The following NOL4L variants were observed in gnomAD, a reference collection of about 807,000 sequenced individuals.
NOL4L encodes nucleolar protein 4-like.
NOL4L carries 7 observed loss-of-function variants against 64.5 expected under a neutral mutation model. The observed-to-expected ratio is 0.11, with a 90% CI of 0.06 to 0.20. NOL4L has a LOEUF of 0.20. Ranked by LOEUF, NOL4L falls within the 10% of genes least tolerant of loss-of-function variation. The pLI, the probability that NOL4L is intolerant of heterozygous loss-of-function variation, is 1.00. For synonymous variants in NOL4L, 413 were observed against 401.0 expected (o/e 1.03, Z -0.36); for missense variants, 680 against 967.1 (o/e 0.70, Z 3.94).
chr20:32,463,591 C>T lies in NOL4L; in HGVS notation c.842-7196G>A, dbSNP rs971672286. Among the ~76,000 whole-genome samples the T allele has an allele frequency of 6.6e-6, 1 of 152,212 alleles. No individual in the cohort carries two copies. The highest frequency in any genetic ancestry group is 1.5e-5 in the Non-Finnish European group (1 of 68,040). On this transcript the variant is annotated intron_variant, in intron 5 of 10. Transcript: ENST00000621426. This position sits in a 1 kb window ranked among gnomAD's most constrained non-coding sequence, Gnocchi z 5.8. ...ACGGGCAGGGAAGGACTGCCGTGTC[C>T]GTCTATTTGAACATGGGGCAATGTG...
chr20:32,577,124 G>T (rs1300380018), intron 1 of NOL4L, among the ~76,000 whole-genome samples: 1 of 152,208 alleles, frequency 6.6e-6, no homozygotes, highest in Non-Finnish European at 1.5e-5. Flanking sequence ...AGATTAAATG[G>T]AATAATGTAT....
chr20:32,546,240 C>G (rs2145601848), intron 1 of NOL4L, among the ~76,000 whole-genome samples: 1 of 151,838 alleles, frequency 6.6e-6, no homozygotes, highest in South Asian at 2.1e-4. Context: ...GCCAGTGCGC[C>G]CAGCTTTTTT....
chr20:32,574,970 A>C (rs1980000750), intron 1 of NOL4L, among the ~76,000 whole-genome samples: 1 of 149,594 alleles, frequency 6.7e-6, no homozygotes, highest in Admixed American at 6.7e-5. Flanking sequence ...CCCTCACCCC[A>C]CTCCCACCTC....
chr20:32,465,283 T>A (rs1384061235), intron 5 of NOL4L: 2 of 419,888 alleles, frequency 4.8e-6, no homozygotes, highest in Non-Finnish European at 8.4e-6. Context: ...CACCGACCCA[T>A]CACCCGGGAT....
chr20:32,580,681 C>A (rs932038570), intron 1 of NOL4L, among the ~76,000 whole-genome samples: 2 of 152,182 alleles, frequency 1.3e-5, no homozygotes, highest in African/African-American at 4.8e-5. Flanking sequence ...GAAGCTACAG[C>A]AGTGCACAGA....
At position 32,584,837 on chromosome 20, in the gene NOL4L, G is replaced by C. The variant is rs775489322; in HGVS notation, c.54C>G (p.Pro18=). The C allele has an allele frequency of 1.4e-6, 2 of 1,477,278 alleles. No individual in the cohort carries two copies. The highest frequency in any genetic ancestry group is 1.8e-6 in the Non-Finnish European group (2 of 1,111,552). 91.5% of individuals were successfully genotyped at this position (1,477,278 alleles called of 1,614,324 possible). A position where few individuals can be genotyped will look rare whatever the true frequency, so the allele number is the denominator to read the frequency against. Residue 18 remains proline, a synonymous_variant, in exon 1 of 11, where the codon CCC becomes CCG. Transcript: ENST00000621426. The part of the protein sequence containing the change: ...LRGGWERERS[P]GDSELGRQFR... ...ACTGGCGGCCCAGCTCCGAGTCCCC[G>C]GGGCTGCGCTCGCGCTCCCAGCCCC...
At chr20:32,536,411 G>T in intron 1 of NOL4L, 1 of 673,392 alleles carries the variant, frequency 1.5e-6, no homozygotes, top group Non-Finnish European at 1.8e-6. Context: ...GGAGTGGGCC[G>T]CGCTAATGAC....
chr20:32,574,804 C>A, intron 1 of NOL4L, among the ~76,000 whole-genome samples: 1 of 151,914 alleles, frequency 6.6e-6, no homozygotes, highest in African/African-American at 2.4e-5. Context: ...GTCCCCTCCA[C>A]GGCCTCCCAC....
At chr20:32,572,972 G>C (rs1219928000) in intron 1 of NOL4L, among the ~76,000 whole-genome samples, 1 of 151,984 alleles carries the variant, frequency 6.6e-6, no homozygotes, top group African/African-American at 2.4e-5. Flanking sequence ...CTGAGCACTT[G>C]ACATGGAGTC....
intron 1 of NOL4L, chr20:32,535,752 G>A (rs2018500035): frequency 2.0e-6 from 2 of 985,360 alleles, no homozygotes; most frequent in Non-Finnish European, 2.4e-6. Flanking sequence ...TGTCTGGAAT[G>A]GGTGTAGGGG....
chr20:32,585,009 G>T lies in NOL4L; in HGVS notation c.-119C>A. 2.0e-6 allele frequency: 1 copy of T among 491,540 alleles called. No homozygotes were observed. The highest frequency in any genetic ancestry group is 2.6e-6 in the Non-Finnish European group (1 of 379,918). 30.4% of individuals were successfully genotyped at this position (491,540 alleles called of 1,614,324 possible). ...GCGCCGCGGCCGCGTCTGTCCCGCGGTGTGGCTCCGGCGAGGCTGCTGGAT... is the reference window on the plus strand; with the variant it reads ...GCGCCGCGGCCGCGTCTGTCCCGCGTTGTGGCTCCGGCGAGGCTGCTGGAT... On this transcript the variant is annotated 5_prime_UTR_variant, in exon 1 of 11. Coordinates refer to ENST00000621426, the MANE Select transcript of NOL4L (RefSeq NM_001256798.2).
chr20:32,498,766 TAAAAAAAA>T (rs34083852), intron 4 of NOL4L, among the ~76,000 whole-genome samples: 5 of 99,026 alleles, frequency 5.0e-5, no homozygotes, highest in African/African-American at 1.7e-4. Flanking sequence ...CCTGTCTCAA[TAAAAAAAA>T]AAAAAAAAAA....
intron 5 of NOL4L, among the ~76,000 whole-genome samples, chr20:32,470,268 A>T (rs2014910644): frequency 6.6e-6 from 1 of 152,250 alleles, no homozygotes; most frequent in Non-Finnish European, 1.5e-5. Context: ...CTGCTGAAGC[A>T]CATCCAGGGG....
rs375322783 is a variant in NOL4L, at chr20:32,513,203, A to G, written c.590-1747T>C. 1.6e-3 allele frequency among the ~76,000 whole-genome samples: 241 copies of G among 152,292 alleles called. 3 individuals carry two copies. The highest frequency in any genetic ancestry group is 5.6e-3 in the African/African-American group (233 of 41,554). ...CCCTCTACCATCACAAGGAGGCCCA[A>G]GAGACAGGCTGCAGGGTGACAGGGC... is the stretch of plus-strand genomic sequence containing the variant. On this transcript the variant is annotated intron_variant, in intron 3 of 10. Coordinates refer to ENST00000621426, the MANE Select transcript of NOL4L (RefSeq NM_001256798.2).
chr20:32,481,801 G>A (rs2015731141), intron 4 of NOL4L, among the ~76,000 whole-genome samples: 1 of 152,176 alleles, frequency 6.6e-6, no homozygotes, highest in Admixed American at 6.5e-5. Flanking sequence ...GCCATAAACG[G>A]GCCTTTTCCC....
At chr20:32,483,327 G>A (rs1394947838) in intron 4 of NOL4L, 4 of 978,028 alleles carry the variant, frequency 4.1e-6, no homozygotes, top group Non-Finnish European at 4.9e-6. Context: ...CCCCGGAAAC[G>A]GCCCGATCGC....
At chr20:32,504,040 T>C (rs1040183366) in intron 4 of NOL4L, among the ~76,000 whole-genome samples, 1 of 152,188 alleles carries the variant, frequency 6.6e-6, no homozygotes, top group East Asian at 1.9e-4. Context: ...TTTGGTGTTG[T>C]TTGTATTATG....
intron 2 of NOL4L, among the ~76,000 whole-genome samples, chr20:32,522,591 C>T (rs1480240156): frequency 2.0e-5 from 3 of 152,234 alleles, no homozygotes; most frequent in Admixed American, 1.3e-4. Context: ...AGGGCCCTGC[C>T]CATCCTGTGT....
At chr20:32,543,846 C>G (rs1224853477) in intron 1 of NOL4L, among the ~76,000 whole-genome samples, 1 of 151,762 alleles carries the variant, frequency 6.6e-6, no homozygotes, top group Non-Finnish European at 1.5e-5. Context: ...ACAAAGTCAA[C>G]AGGCAGACCT....
Sources: gnomAD v4.1 joint callset for allele counts (sites outside exome capture counted in the v4.1 genomes callset) on GRCh38, gnomAD v4.1.1 for gene constraint, Gnocchi (gnomAD v3.1) non-coding constraint, MANE v1.5 for transcripts, NCBI Gene and HGNC (gene_info 2026-07-23, HGNC 2026-07-21) for gene names.